LDLRAD4: variants seen among roughly 807,000 people sequenced by gnomAD.
LDLRAD4 encodes low density lipoprotein receptor class A domain containing 4.
In LDLRAD4, 5 loss-of-function variants were observed where a neutral mutation model predicts 17.0. The ratio of observed to expected loss-of-function variants is 0.29; its 90% CI spans 0.15 to 0.62. The LOEUF is 0.62. Ranked by LOEUF, LDLRAD4 falls within the 20% of genes least tolerant of loss-of-function variation. The pLI, the probability that LDLRAD4 is intolerant of heterozygous loss-of-function variation, is 0.84. For missense variants in LDLRAD4, 340 were observed against 424.7 expected (o/e 0.80, Z 1.75); for synonymous variants, 168 against 171.8 (o/e 0.98, Z 0.17).
intron 1 of LDLRAD4, among the ~76,000 whole-genome samples, chr18:13,344,951 C>A (rs908650723): frequency 5.3e-5 from 8 of 152,066 alleles, no homozygotes; most frequent in Non-Finnish European, 8.8e-5. Flanking sequence ...GACTTTGCTG[C>A]AGTTGCTTAT....
intron 1 of LDLRAD4, among the ~76,000 whole-genome samples, chr18:13,236,646 C>G (rs1041195648): frequency 6.6e-6 from 1 of 152,102 alleles, no homozygotes. Flanking sequence ...CTTTCTGTAC[C>G]CTCTGCTTCC....
At chr18:13,412,123 A>T (rs2145710776) in intron 2 of LDLRAD4, among the ~76,000 whole-genome samples, 1 of 152,310 alleles carries the variant, frequency 6.6e-6, no homozygotes, top group East Asian at 1.9e-4. Context: ...GATTACAGGG[A>T]TGAGCCATCA....
intron 1 of LDLRAD4, among the ~76,000 whole-genome samples, chr18:13,231,149 C>T (rs908494045): frequency 1.4e-4 from 22 of 152,236 alleles, no homozygotes; most frequent in South Asian, 2.1e-4. Context: ...CGGGCAGCAT[C>T]GTCTTCGAGT....
At chr18:13,229,403 A>G (rs187430858) in intron 1 of LDLRAD4, among the ~76,000 whole-genome samples, 4 of 152,298 alleles carry the variant, frequency 2.6e-5, no homozygotes, top group Admixed American at 6.5e-5. Context: ...GATCATATGT[A>G]TGCAGATCAG....
At chr18:13,512,627 C>G (rs916365375) in intron 3 of LDLRAD4, among the ~76,000 whole-genome samples, 1 of 152,146 alleles carries the variant, frequency 6.6e-6, no homozygotes, top group African/African-American at 2.4e-5. Flanking sequence ...TCAATTCTTC[C>G]TTGAGCTTTA....
At chr18:13,372,442 C>T (rs2084586171) in intron 1 of LDLRAD4, among the ~76,000 whole-genome samples, 3 of 152,166 alleles carry the variant, frequency 2.0e-5, no homozygotes, top group Admixed American at 6.5e-5. Context: ...ACACCTTGCC[C>T]TTGAACTATT....
At chr18:13,418,466 T>A (rs2089141321) in intron 2 of LDLRAD4, among the ~76,000 whole-genome samples, 1 of 152,244 alleles carries the variant, frequency 6.6e-6, no homozygotes, top group African/African-American at 2.4e-5. Flanking sequence ...CATCTCCTGT[T>A]GCTGCCCTGA....
At chr18:13,528,184 A>T (rs2094065265) in intron 3 of LDLRAD4, among the ~76,000 whole-genome samples, 1 of 152,150 alleles carries the variant, frequency 6.6e-6, no homozygotes. Flanking sequence ...ACCTGAGTCT[A>T]AAAGTATATG....
chr18:13,295,468 C>G (rs2046220319), intron 1 of LDLRAD4, among the ~76,000 whole-genome samples: 1 of 152,224 alleles, frequency 6.6e-6, no homozygotes, highest in Non-Finnish European at 1.5e-5. Context: ...CATCTCCCTG[C>G]AAAGTCAGCT....
chr18:13,611,809 G>T (rs533384523), intron 3 of LDLRAD4: 142 of 985,622 alleles, frequency 1.4e-4, no homozygotes, highest in Non-Finnish European at 1.6e-4. Flanking sequence ...AAAGGAGCGC[G>T]CAGTGTTTCC....
At chr18:13,446,408 T>G (rs1225580437) in intron 3 of LDLRAD4, among the ~76,000 whole-genome samples, 1 of 152,238 alleles carries the variant, frequency 6.6e-6, no homozygotes, top group South Asian at 2.1e-4. Context: ...AACCGTCTTC[T>G]GTTCAGAAGG....
At chr18:13,468,818 G>A (rs1480804125) in intron 3 of LDLRAD4, among the ~76,000 whole-genome samples, 1 of 142,436 alleles carries the variant, frequency 7.0e-6, no homozygotes, top group Admixed American at 7.4e-5. Context: ...CATGGACACA[G>A]GAAGGGGAAC....
At chr18:13,407,171 T>C (rs1329355464) in intron 2 of LDLRAD4, among the ~76,000 whole-genome samples, 1 of 152,152 alleles carries the variant, frequency 6.6e-6, no homozygotes, top group Admixed American at 6.5e-5. Context: ...TGTAAACTTG[T>C]GCATGAGTGT....
At chr18:13,427,801 A>C (rs2042743) in intron 2 of LDLRAD4, among the ~76,000 whole-genome samples, 70,486 of 151,978 alleles carry the variant, frequency 0.46, 16,516 homozygotes, top group South Asian at 0.51. Context: ...AATCTTTCAC[A>C]ATTTGCTAAT....
At chr18:13,252,742 G>A (rs1019169833) in intron 1 of LDLRAD4, among the ~76,000 whole-genome samples, 16 of 152,194 alleles carry the variant, frequency 1.1e-4, no homozygotes, top group African/African-American at 3.6e-4. Flanking sequence ...TGAGGTCAAG[G>A]CCTCATTTCA....
intron 3 of LDLRAD4, among the ~76,000 whole-genome samples, chr18:13,484,543 AGGCTGCAGTGAGGTCAT>A (rs971936521): frequency 2.6e-5 from 4 of 152,158 alleles, no homozygotes; most frequent in African/African-American, 9.7e-5. Flanking sequence ...TGGAGCATCG[AGGCTGCAGTGAGGTCAT>A]GGCTGCAGTG....
At chr18:13,289,182 C>T (rs1332654541) in intron 1 of LDLRAD4, among the ~76,000 whole-genome samples, 1 of 152,218 alleles carries the variant, frequency 6.6e-6, no homozygotes, top group Non-Finnish European at 1.5e-5. Flanking sequence ...TTTGAATATG[C>T]TCTTGTGTCA....
intron 3 of LDLRAD4, among the ~76,000 whole-genome samples, chr18:13,599,486 A>ATTTT (rs35131642): frequency 2.4e-5 from 2 of 81,754 alleles, no homozygotes; most frequent in African/African-American, 9.8e-5. Context: ...TGAGTCTCCA[A>ATTTT]TTTTTTTTTT....
At chr18:13,517,847 T>C (rs915385765) in intron 3 of LDLRAD4, among the ~76,000 whole-genome samples, 1 of 152,188 alleles carries the variant, frequency 6.6e-6, no homozygotes, top group African/African-American at 2.4e-5. Flanking sequence ...CATGCCATTC[T>C]CCTGCCTCAG....
Sources: gnomAD v4.1 joint callset for allele counts (sites outside exome capture counted in the v4.1 genomes callset) on GRCh38, gnomAD v4.1.1 for gene constraint, MANE v1.5 for transcripts, NCBI Gene and HGNC (gene_info 2026-07-23, HGNC 2026-07-21) for gene names.